PKHD1: variants seen among roughly 807,000 people sequenced by gnomAD.
PKHD1 encodes fibrocystin.
In PKHD1, 291 loss-of-function variants were observed where a neutral mutation model predicts 412.0. The ratio of observed to expected loss-of-function variants is 0.71; its 90% CI spans 0.64 to 0.78. PKHD1 has a LOEUF of 0.78. Among genes scored for constraint, PKHD1 ranks in the 30% least tolerant of loss-of-function variants. PKHD1 has a pLI of 0.00. For synonymous variants in PKHD1, 1,777 were observed against 1,821.5 expected (o/e 0.98, Z 0.62); for missense variants, 4,825 against 4,950.7 (o/e 0.97, Z 0.76).
At chr6:51,891,845 C>T (rs1304261199) in intron 43 of PKHD1, among the ~76,000 whole-genome samples, 2 of 152,008 alleles carry the variant, frequency 1.3e-5, no homozygotes, top group African/African-American at 4.8e-5. Context: ...CAGAAAGAAC[C>T]AATGCCTCAA....
At chr6:52,085,184 C>A (rs1812589164) in intron 1 of PKHD1, among the ~76,000 whole-genome samples, 167 bp from the exon 2 acceptor site, 1 of 152,146 alleles carries the variant, frequency 6.6e-6, no homozygotes, top group Non-Finnish European at 1.5e-5. Context: ...CATCTGAGAA[C>A]CTTGCATAAA....
At chr6:51,653,623 A>AG (rs1349626036) in intron 61 of PKHD1, among the ~76,000 whole-genome samples, 1 of 152,134 alleles carries the variant, frequency 6.6e-6, no homozygotes, top group African/African-American at 2.4e-5. Flanking sequence ...TTTAAAAATG[A>AG]GATTCCAGTA....
chr6:51,721,200 T>C (rs1455392034), intron 60 of PKHD1: 1 of 937,854 alleles, frequency 1.1e-6, no homozygotes. Flanking sequence ...CAAGGTCTGA[T>C]TTTGCAATTC....
intron 19 of PKHD1, among the ~76,000 whole-genome samples, chr6:52,055,139 A>C (rs1490968379): frequency 6.6e-6 from 1 of 152,240 alleles, no homozygotes; most frequent in Non-Finnish European, 1.5e-5. Context: ...CTGTGCAGGC[A>C]CTTTACTAGA....
At chr6:51,966,893 T>C (rs1243680556) in intron 35 of PKHD1, among the ~76,000 whole-genome samples, 1 of 150,182 alleles carries the variant, frequency 6.7e-6, no homozygotes, top group Non-Finnish European at 1.5e-5. Flanking sequence ...TCTGATTGGA[T>C]TGGATTGGAT....
At chr6:51,984,815 T>C (rs1315588471) in intron 35 of PKHD1, among the ~76,000 whole-genome samples, 1 of 152,224 alleles carries the variant, frequency 6.6e-6, no homozygotes, top group East Asian at 1.9e-4. Context: ...ATCTGCGAAC[T>C]AGAAATAACA....
intron 63 of PKHD1, among the ~76,000 whole-genome samples, chr6:51,647,216 G>A (rs556073444): frequency 1.3e-5 from 2 of 152,176 alleles, no homozygotes; most frequent in Non-Finnish European, 2.9e-5. Flanking sequence ...TGTCTCTTTT[G>A]TCTCTTTGAG....
intron 35 of PKHD1, among the ~76,000 whole-genome samples, chr6:51,989,917 A>T (rs1316061939): frequency 9.9e-6 from 1 of 101,328 alleles, no homozygotes; most frequent in Non-Finnish European, 2.1e-5. Flanking sequence ...GGAAGGAAGG[A>T]AGGAAGGAAG....
Position 51,632,599 on chromosome 6 carries a change from C to A in PKHD1, c.11631G>T (p.Leu3877=). 1 of 1,613,186 alleles carries A rather than the reference C, an allele frequency of 6.2e-7. No individual in the cohort carries two copies. Among genetic ancestry groups the A allele is most frequent in the Non-Finnish European group, 8.5e-7 (1 of 1,179,624 alleles). ...SVASWLALSC[L]VCCWLKRSKS... Reference sequence around the variant, plus strand: ...TGCTTCTTTTAAGCCAACAGCACACCAGACAGCTCAGAGCCAGCCATGAGG... The same window carrying A: ...TGCTTCTTTTAAGCCAACAGCACACAAGACAGCTCAGAGCCAGCCATGAGG... Residue 3877 remains leucine, a synonymous_variant, in exon 65 of 67, where the codon CTG becomes CTT. Coordinates refer to ENST00000371117, the MANE Select transcript of PKHD1 (RefSeq NM_138694.4).
At chr6:51,679,666 G>A (rs753470389) in intron 60 of PKHD1, among the ~76,000 whole-genome samples, 1 of 151,968 alleles carries the variant, frequency 6.6e-6, no homozygotes, top group Non-Finnish European at 1.5e-5. Flanking sequence ...ATGCCAAGCA[G>A]GATGTTTCGG....
chr6:52,044,610 A>G (rs560686214), intron 25 of PKHD1, among the ~76,000 whole-genome samples: 56 of 152,344 alleles, frequency 3.7e-4, no homozygotes, highest in Admixed American at 2.3e-3. Flanking sequence ...ATGGAAAGAT[A>G]GGAAAAAAAT....
At position 51,616,994 on chromosome 6, in the gene PKHD1, C is replaced by A. The variant is rs1213994992; in HGVS notation, c.*2087G>T. On this transcript the variant is annotated 3_prime_UTR_variant, in exon 67 of 67. Coordinates refer to ENST00000371117, the MANE Select transcript of PKHD1 (RefSeq NM_138694.4). ...GAAGTAGGTTTTTGGGCTGTGTTAA[C>A]TTCATAGTAACTATAGGATAACCTA... The A allele has an allele frequency of 7.0e-6, 2 of 287,060 alleles. No homozygotes were observed. Among genetic ancestry groups the A allele is most frequent in the Admixed American group, 1.0e-4 (2 of 19,268 alleles). 17.8% of individuals were successfully genotyped at this position (287,060 alleles called of 1,614,324 possible). A position where few individuals can be genotyped will look rare whatever the true frequency, so the allele number is the denominator to read the frequency against.
intron 1 of PKHD1, among the ~76,000 whole-genome samples, chr6:52,085,569 C>T (rs539539540): frequency 5.3e-5 from 8 of 152,332 alleles, no homozygotes; most frequent in African/African-American, 1.9e-4. Context: ...CCCTCCTCAG[C>T]TGATTCTTTC....
chr6:51,782,896 C>T (rs1245672662), intron 53 of PKHD1, among the ~76,000 whole-genome samples: 3 of 152,098 alleles, frequency 2.0e-5, no homozygotes, highest in Non-Finnish European at 4.4e-5. Context: ...TCCAATGAGC[C>T]TTACAGAACT....
rs552306235 is a variant in PKHD1 at position 51,734,574 on chromosome 6, G to A, written c.10156+9811C>T. 2.6e-4 allele frequency among the ~76,000 whole-genome samples: 40 copies of A among 152,206 alleles called. 1 individual carries two copies. The East Asian group carries it at 4.3e-3, about 16-fold the overall frequency. On this transcript the variant is annotated intron_variant, in intron 60 of 66. Coordinates refer to ENST00000371117, the MANE Select transcript of PKHD1 (RefSeq NM_138694.4). ...TTGTAAAATGATGGCGGTAACCCACGAGAGGGGCTGTAATGGAGCTGAGCA... is the reference window on the plus strand; with the variant it reads ...TTGTAAAATGATGGCGGTAACCCACAAGAGGGGCTGTAATGGAGCTGAGCA...
At chr6:52,058,297 C>T (rs1309937505) in intron 16 of PKHD1, 26 bp downstream of exon 16, 6 of 1,613,016 alleles carry the variant, frequency 3.7e-6, no homozygotes, top group Non-Finnish European at 5.1e-6. Flanking sequence ...GAGTTCAGCT[C>T]CATGGGACTG....
At chr6:51,904,945 T>C (rs1781856078) in intron 41 of PKHD1, among the ~76,000 whole-genome samples, 1 of 152,166 alleles carries the variant, frequency 6.6e-6, no homozygotes, top group African/African-American at 2.4e-5. Context: ...AATCAAAAGA[T>C]TTTTCTGCAC....
At chr6:52,001,432 C>CTTTT (rs781084036) in intron 35 of PKHD1, among the ~76,000 whole-genome samples, 1 of 140,244 alleles carries the variant, frequency 7.1e-6, no homozygotes. Context: ...GAATTTCTTC[C>CTTTT]TTTTTTTTTT....
At chr6:51,989,543 C>T (rs1239869398) in intron 35 of PKHD1, among the ~76,000 whole-genome samples, 1 of 152,132 alleles carries the variant, frequency 6.6e-6, no homozygotes, top group Middle Eastern at 3.2e-3. Context: ...ATTGAACCTG[C>T]ACAATTCACC....
Sources: allele counts gnomAD v4.1 joint callset (sites outside exome capture counted in the v4.1 genomes callset), GRCh38; gene constraint gnomAD v4.1.1; transcripts MANE v1.5; gene names NCBI Gene and HGNC (gene_info 2026-07-23, HGNC 2026-07-21).